The following OSBPL6 variants were observed in gnomAD, a reference collection of about 807,000 sequenced individuals.
OSBPL6 encodes oxysterol-binding protein-related protein 6.
In OSBPL6, 49 loss-of-function variants were observed where a neutral mutation model predicts 125.8. The ratio of observed to expected loss-of-function variants is 0.39; its 90% CI spans 0.31 to 0.49. OSBPL6 has a LOEUF of 0.49. OSBPL6 is among the 20% of genes least tolerant of loss of function. OSBPL6 has a pLI of 0.88. For synonymous variants in OSBPL6, 394 were observed against 391.8 expected (o/e 1.01, Z -0.07); for missense variants, 986 against 1,135.4 (o/e 0.87, Z 1.89).
At chr2:178,371,754 A>G (rs1011093630) in intron 13 of OSBPL6, among the ~76,000 whole-genome samples, 1 of 152,216 alleles carries the variant, frequency 6.6e-6, no homozygotes, top group African/African-American at 2.4e-5. Context: ...AAAAACATGA[A>G]AGAATTTTCA....
intron 18 of OSBPL6, among the ~76,000 whole-genome samples, chr2:178,384,917 A>G (rs1302814219): frequency 1.3e-5 from 2 of 152,120 alleles, no homozygotes; most frequent in African/African-American, 4.8e-5. Context: ...TTTTTTAGGA[A>G]TAAAATGGGA....
chr2:178,258,772 T>C (rs980982817), intron 1 of OSBPL6, among the ~76,000 whole-genome samples: 38 of 146,428 alleles, frequency 2.6e-4, no homozygotes, highest in African/African-American at 7.0e-4. Context: ...TTTTTTTTTT[T>C]CCACTGGAGA....
At chr2:178,371,750 A>C (rs80086716) in intron 13 of OSBPL6, among the ~76,000 whole-genome samples, 8 of 152,248 alleles carry the variant, frequency 5.3e-5, no homozygotes, top group Non-Finnish European at 1.2e-4. Flanking sequence ...GAACAAAAAC[A>C]TGAAAGAATT....
chr2:178,285,809 G>A (rs550069741), intron 2 of OSBPL6, among the ~76,000 whole-genome samples: 23 of 152,272 alleles, frequency 1.5e-4, no homozygotes, highest in African/African-American at 5.1e-4. Flanking sequence ...AATCGTCTTC[G>A]GGAGCTTTTT....
intron 3 of OSBPL6, among the ~76,000 whole-genome samples, chr2:178,312,133 C>A (rs1687327725): frequency 6.6e-6 from 1 of 150,980 alleles, no homozygotes; most frequent in African/African-American, 2.4e-5. Context: ...AGGCGAGCAC[C>A]ACCACGCCCA....
rs1674010005 is a variant in OSBPL6, at chr2:178,307,993, A to T, written c.102+1707A>T. Among the ~76,000 whole-genome samples the T allele has an allele frequency of 2.0e-5, 3 of 152,230 alleles. No individual in the cohort carries two copies. The South Asian group carries it at 6.2e-4, about 32-fold the overall frequency. ...GTGACTCCTCACTGGCTTGTGAATG[A>T]AAAGTTTTATGATGGGAATGAAAGG... On this transcript the variant is annotated intron_variant, in intron 3 of 24. Coordinates refer to ENST00000190611, the MANE Select transcript of OSBPL6 (RefSeq NM_032523.4).
intron 1 of OSBPL6, among the ~76,000 whole-genome samples, chr2:178,215,484 T>C (rs1328283136): frequency 6.6e-6 from 1 of 152,156 alleles, no homozygotes; most frequent in Non-Finnish European, 1.5e-5. Context: ...GGCTTTGCAT[T>C]GGATTGTGGT....
chr2:178,206,248 G>A (rs992114490), intron 1 of OSBPL6, among the ~76,000 whole-genome samples: 3 of 152,206 alleles, frequency 2.0e-5, no homozygotes, highest in African/African-American at 7.2e-5. Flanking sequence ...GAAAAAGCTA[G>A]CATATACTGT....
chr2:178,256,973 A>T (rs1315485032), intron 1 of OSBPL6, among the ~76,000 whole-genome samples: 1 of 152,152 alleles, frequency 6.6e-6, no homozygotes, highest in East Asian at 1.9e-4. Context: ...AGCCTAACAG[A>T]CAAATTTAAA....
intron 5 of OSBPL6, 32 bp from the exon 6 acceptor site, chr2:178,331,520 A>G: frequency 6.2e-7 from 1 of 1,611,856 alleles, no homozygotes; most frequent in Non-Finnish European, 8.5e-7. Flanking sequence ...TTCAAAATAC[A>G]GACAGTAACT....
At chr2:178,209,439 CTTT>C (rs71850875) in intron 1 of OSBPL6, among the ~76,000 whole-genome samples, 332 of 95,732 alleles carry the variant, frequency 3.5e-3, no homozygotes, top group African/African-American at 9.4e-3. Flanking sequence ...TTCTTTCTTT[CTTT>C]TTTTTTTTTT....
intron 1 of OSBPL6, among the ~76,000 whole-genome samples, chr2:178,221,014 T>A (rs1220136139): frequency 2.0e-5 from 3 of 152,198 alleles, no homozygotes; most frequent in Non-Finnish European, 4.4e-5. Context: ...AGTGCCGTCT[T>A]TATGGTGGGT....
chr2:178,255,746 G>A (rs1373633073), intron 1 of OSBPL6, among the ~76,000 whole-genome samples: 1 of 152,180 alleles, frequency 6.6e-6, no homozygotes, highest in Non-Finnish European at 1.5e-5. Flanking sequence ...AACTAGGTTG[G>A]GGGAGGAGAA....
chr2:178,376,407 G>A (rs569292323), intron 15 of OSBPL6, among the ~76,000 whole-genome samples: 1 of 151,888 alleles, frequency 6.6e-6, no homozygotes, highest in South Asian at 2.1e-4. Context: ...GGGTTCTATA[G>A]CTTCCATCAT....
rs1209911316 is a variant in OSBPL6, at chr2:178,402,686, A to T, written c.*7127A>T. 2 of 152,322 alleles carry T rather than the reference A, an allele frequency of 1.3e-5. No homozygotes were observed. Among genetic ancestry groups the T allele is most frequent in the African/African-American group, 4.8e-5 (2 of 41,576 alleles). 9.4% of individuals were successfully genotyped at this position (152,322 alleles called of 1,614,324 possible). A position where few individuals can be genotyped will look rare whatever the true frequency, so the allele number is the denominator to read the frequency against. The stretch of plus-strand genomic sequence containing the variant: ...GGTCATTTTGAGATAGAAAAATTAA[A>T]TTTTTTTAGGAAAAGAATTTCAAGC... On this transcript the variant is annotated 3_prime_UTR_variant, in exon 25 of 25. Coordinates refer to ENST00000190611, the MANE Select transcript of OSBPL6 (RefSeq NM_032523.4).
intron 3 of OSBPL6, among the ~76,000 whole-genome samples, chr2:178,317,467 TATATATATATATAG>T (rs1687853479): frequency 1.1e-5 from 1 of 92,980 alleles, no homozygotes; most frequent in African/African-American, 4.5e-5. Flanking sequence ...TATATATATA[TATATATATATATAG>T]AATAATTATT....
At chr2:178,241,230 C>T (rs1662223776) in intron 1 of OSBPL6, among the ~76,000 whole-genome samples, 1 of 151,422 alleles carries the variant, frequency 6.6e-6, no homozygotes, top group Admixed American at 6.6e-5. Flanking sequence ...TCTCGTGCCC[C>T]AGCTTCCCGA....
intron 17 of OSBPL6, 90 bp from the exon 18 acceptor site, chr2:178,383,949 T>G: frequency 1.3e-5 from 19 of 1,408,868 alleles, no homozygotes; most frequent in Non-Finnish European, 1.8e-5. Context: ...CCCATCCACA[T>G]GAGGTGTGTA....
chr2:178,334,302 A>T (rs879459660), intron 8 of OSBPL6, among the ~76,000 whole-genome samples: 6 of 152,144 alleles, frequency 3.9e-5, no homozygotes, highest in Non-Finnish European at 8.8e-5. Flanking sequence ...TCCAATGAAG[A>T]TTCTGCTTTT....
Sources: gnomAD v4.1 joint callset for allele counts (sites outside exome capture counted in the v4.1 genomes callset) on GRCh38, gnomAD v4.1.1 for gene constraint, MANE v1.5 for transcripts, NCBI Gene and HGNC (gene_info 2026-07-23, HGNC 2026-07-21) for gene names.